Variants in RAB6B observed in about 807,000 individuals in gnomAD.
The protein encoded by RAB6B is ras-related protein Rab-6B.
A neutral mutation model predicts 31.2 loss-of-function variants in RAB6B; 7 were observed. That is an observed-to-expected ratio of 0.22 (90% CI 0.13 to 0.42). RAB6B has a LOEUF of 0.42. Among genes scored for constraint, RAB6B ranks in the 10% least tolerant of loss-of-function variants. The pLI, the probability that RAB6B is intolerant of heterozygous loss-of-function variation, is 1.00. For missense variants in RAB6B, 149 were observed against 280.6 expected, an observed-to-expected ratio of 0.53 and a Z score of 3.35; for synonymous variants, 105 against 104.9, an observed-to-expected ratio of 1.00 and a Z score of -0.01.
intron 1 of RAB6B, among the ~76,000 whole-genome samples, chr3:133,868,748 C>A (rs556220414): frequency 6.6e-6 from 1 of 152,282 alleles, no homozygotes; most frequent in South Asian, 2.1e-4. Flanking sequence ...TGAGAAAATT[C>A]ATTACTGAGC....
At chr3:133,844,765 T>C (rs1189328913) in intron 2 of RAB6B, among the ~76,000 whole-genome samples, 2 of 151,922 alleles carry the variant, frequency 1.3e-5, no homozygotes, top group Non-Finnish European at 2.9e-5. Context: ...TAGTGAGACT[T>C]TGCCTCTACA....
rs931419043 is a variant in RAB6B at position 133,825,059 on chromosome 3, G to A, written c.*3729C>T. On this transcript the variant is annotated 3_prime_UTR_variant, in exon 8 of 8. Coordinates refer to ENST00000285208, the MANE Select transcript of RAB6B (RefSeq NM_016577.4). Reference sequence around the variant, plus strand: ...CACATTCTTTGGGGAGAGGCAGTTCGGAAACGAGTGTGCGCACAATCTGCT... The same window carrying A: ...CACATTCTTTGGGGAGAGGCAGTTCAGAAACGAGTGTGCGCACAATCTGCT... The A allele has an allele frequency of 2.6e-5, 4 of 152,070 alleles. No homozygotes were observed. Among genetic ancestry groups the A allele is most frequent in the Non-Finnish European group, 4.4e-5 (3 of 68,014 alleles). 9.4% of individuals were successfully genotyped at this position (152,070 alleles called of 1,614,324 possible).
intron 1 of RAB6B, among the ~76,000 whole-genome samples, chr3:133,890,358 A>G (rs1350074118): frequency 6.6e-6 from 1 of 152,162 alleles, no homozygotes; most frequent in Non-Finnish European, 1.5e-5. Context: ...TAATCCCAGC[A>G]CTCTGGGAGG....
chr3:133,889,401 T>TATATAC (rs1936600568), intron 1 of RAB6B, among the ~76,000 whole-genome samples: 1 of 20,932 alleles, frequency 4.8e-5, no homozygotes, highest in African/African-American at 2.4e-4. Flanking sequence ...TATATATATA[T>TATATAC]ATATATATAT....
intron 2 of RAB6B, among the ~76,000 whole-genome samples, chr3:133,860,015 G>A (rs1281922892): frequency 3.3e-5 from 5 of 152,214 alleles, no homozygotes; most frequent in Admixed American, 1.3e-4. Flanking sequence ...CAGGAGGCAC[G>A]TGAAGGGCCG....
intron 1 of RAB6B, among the ~76,000 whole-genome samples, chr3:133,884,751 G>A (rs1348665286): frequency 6.6e-6 from 1 of 151,644 alleles, no homozygotes; most frequent in East Asian, 1.9e-4. Flanking sequence ...GAGAATGGAG[G>A]ACTCACATAC....
chr3:133,847,213 G>A (rs552761737), intron 2 of RAB6B, among the ~76,000 whole-genome samples: 1 of 152,332 alleles, frequency 6.6e-6, no homozygotes, highest in Non-Finnish European at 1.5e-5. Context: ...AGGCTCTTCT[G>A]TATTCTGTGT....
chr3:133,833,964 T>C (rs941966112), intron 7 of RAB6B, among the ~76,000 whole-genome samples: 4 of 152,146 alleles, frequency 2.6e-5, no homozygotes, highest in Non-Finnish European at 5.9e-5. Context: ...GTGTGAATCC[T>C]AACTGTAACT....
chr3:133,891,134 G>GGGGTCAGGAT (rs1357267225), intron 1 of RAB6B, among the ~76,000 whole-genome samples: 1 of 152,174 alleles, frequency 6.6e-6, no homozygotes, highest in Non-Finnish European at 1.5e-5. Flanking sequence ...TGGGAGGGCA[G>GGGGTCAGGAT]GGGTCAGGAT....
Position 133,834,563 on chromosome 3 carries a change from G to A in RAB6B, c.562+12C>T. 6 of 1,607,030 alleles carry A rather than the reference G, an allele frequency of 3.7e-6. No individual in the cohort carries two copies. The highest frequency in any genetic ancestry group is 1.1e-5 in the South Asian group (1 of 90,926). On this transcript the variant is annotated intron_variant, in intron 7 of 7. Coordinates refer to ENST00000285208, the MANE Select transcript of RAB6B (RefSeq NM_016577.4). ...TACATCTTTTCACTCACTTGTCAAAGGAAAAGGATACTCCCTTCTTTGCTT... is the reference window on the plus strand; with the variant it reads ...TACATCTTTTCACTCACTTGTCAAAAGAAAAGGATACTCCCTTCTTTGCTT...
chr3:133,833,345 C>G (rs930481701), intron 7 of RAB6B, among the ~76,000 whole-genome samples: 2 of 152,112 alleles, frequency 1.3e-5, no homozygotes, highest in African/African-American at 4.8e-5. Flanking sequence ...CTCCTCAAAC[C>G]CCCTCCTCTC....
At chr3:133,858,854 C>T (rs115489144) in intron 2 of RAB6B, among the ~76,000 whole-genome samples, 1,936 of 152,286 alleles carry the variant, frequency 0.013, 37 homozygotes, top group African/African-American at 0.044. Flanking sequence ...AGCTTTTCAG[C>T]GTCTTAGTAC....
intron 6 of RAB6B, 100 bp downstream of exon 6, chr3:133,838,066 C>G (rs1935767069): frequency 1.6e-6 from 2 of 1,252,442 alleles, no homozygotes; most frequent in Non-Finnish European, 2.3e-6. Flanking sequence ...CCAATCCCAT[C>G]ACCAGCCCTT....
intron 1 of RAB6B, among the ~76,000 whole-genome samples, chr3:133,893,708 TCA>T (rs1936667924): frequency 6.6e-6 from 1 of 151,842 alleles, no homozygotes. Flanking sequence ...AGAAAGTGAG[TCA>T]CAGAGAGGCC....
At position 133,828,821 on chromosome 3, in the gene RAB6B, C is replaced by T. The variant is rs553369916; in HGVS notation, c.594G>A (p.Glu198=). The T allele has an allele frequency of 6.2e-7, 1 of 1,613,318 alleles. No homozygotes were observed. Among genetic ancestry groups the T allele is most frequent in the South Asian group, 1.1e-5 (1 of 91,052 alleles). The change falls in exon 8 of 8, where the codon GAG becomes GAA. Residue 198 remains glutamate, a synonymous_variant. Coordinates refer to ENST00000285208, the MANE Select transcript of RAB6B (RefSeq NM_016577.4). ...MIDIKLDKPQ[E]PPASEGGCSC ...AGCAGCCGCCCTCGCTGGCCGGGGG[C>T]TCCTGGGGTTTGTCCAGCTTGATGT...
intron 7 of RAB6B, among the ~76,000 whole-genome samples, chr3:133,832,687 T>C (rs1004669342): frequency 6.6e-6 from 1 of 152,102 alleles, no homozygotes; most frequent in Non-Finnish European, 1.5e-5. Flanking sequence ...AGCACCTGCC[T>C]CGTGAGAGGC....
In RAB6B at chr3:133,886,507, G is replaced by A. The variant is rs190827890; in HGVS notation, c.70+8890C>T. Among the ~76,000 whole-genome samples the A allele has an allele frequency of 1.6e-4, 25 of 152,292 alleles. No homozygotes were observed. In the East Asian group the frequency reaches 3.9e-3, roughly 24 times the overall value. On this transcript the variant is annotated intron_variant, in intron 1 of 7. Transcript: ENST00000285208. ...CTGAGCAGGTTTGGTGGCCCCAGAG[G>A]AGCAGGCATGGTGAGTCTGTCCCAC...
rs1935578442 is a variant in RAB6B, at chr3:133,827,182, G to A, written c.*1606C>T. Reference sequence around the variant, plus strand: ...GCTGCACTTACTGCCTGCCATTTCAGATTAATTTCTGAGAAGTTTCAAAAT... The same window carrying A: ...GCTGCACTTACTGCCTGCCATTTCAAATTAATTTCTGAGAAGTTTCAAAAT... On this transcript the variant is annotated 3_prime_UTR_variant, in exon 8 of 8. Transcript: ENST00000285208. 1 of 152,292 alleles carries A rather than the reference G, an allele frequency of 6.6e-6. No individual in the cohort carries two copies. The highest frequency in any genetic ancestry group is 2.4e-5 in the African/African-American group (1 of 41,468). The allele number at this position is 152,292 out of a possible 1,614,324, so 9.4% of individuals were successfully genotyped here.
chr3:133,851,893 T>C (rs1273058320), intron 2 of RAB6B, among the ~76,000 whole-genome samples: 4 of 152,086 alleles, frequency 2.6e-5, no homozygotes, highest in African/African-American at 9.7e-5. Flanking sequence ...CCAGCTAGGG[T>C]AGCCACTAAA....
Sources: gnomAD v4.1 joint callset for allele counts (sites outside exome capture counted in the v4.1 genomes callset) on GRCh38, gnomAD v4.1.1 for gene constraint, MANE v1.5 for transcripts, NCBI Gene and HGNC (gene_info 2026-07-23, HGNC 2026-07-21) for gene names.